Variants in DIP2C observed in about 807,000 individuals in gnomAD.
DIP2C encodes disco-interacting protein 2 homolog C.
Under a neutral mutation model 192.4 loss-of-function variants are expected in DIP2C, and 33 were observed. The observed-to-expected ratio is 0.17, with a 90% CI of 0.13 to 0.23. The LOEUF is 0.23. Among genes scored for constraint, DIP2C ranks in the 10% least tolerant of loss-of-function variants. The pLI is 1.00. For synonymous variants in DIP2C, 979 were observed against 864.1 expected (o/e 1.13, Z -2.33); for missense variants, 1,537 against 2,110.1 (o/e 0.73, Z 5.32).
chr10:612,481 T>TA (rs1853163792), intron 1 of DIP2C, among the ~76,000 whole-genome samples: 1 of 152,338 alleles, frequency 6.6e-6, no homozygotes, highest in South Asian at 2.1e-4. Flanking sequence ...AAGGAAATTT[T>TA]AAAACCTCAG....
intron 1 of DIP2C, among the ~76,000 whole-genome samples, chr10:511,145 GA>G: frequency 6.6e-6 from 1 of 152,196 alleles, no homozygotes; most frequent in East Asian, 1.9e-4. Context: ...CTGCCCCAGT[GA>G]ACATTCACGC....
chr10:657,028 G>A (rs1041604190), intron 1 of DIP2C, among the ~76,000 whole-genome samples: 5 of 152,156 alleles, frequency 3.3e-5, no homozygotes, highest in Non-Finnish European at 7.4e-5. Context: ...GGGCCATGTG[G>A]AAAGTTGGCT....
At chr10:369,397 C>A (rs976070634) in intron 18 of DIP2C, 97 bp downstream of exon 18, 10 of 1,434,764 alleles carry the variant, frequency 7.0e-6, no homozygotes, top group Non-Finnish European at 9.2e-6. Flanking sequence ...GGGCACACCA[C>A]GGGAACGCGG....
At chr10:564,464 G>A (rs1849362716) in intron 1 of DIP2C, among the ~76,000 whole-genome samples, 1 of 152,110 alleles carries the variant, frequency 6.6e-6, no homozygotes, top group East Asian at 1.9e-4. Context: ...TTTTCTCCAG[G>A]GACAGGGGCA....
chr10:415,921 G>C lies in DIP2C; in HGVS notation c.740-33C>G, dbSNP rs372738375. ...ACAGGAATCAGCGGGTGGGGAAAGCGATCATCACAGCTTCAATGAGCACCC... is the reference window on the plus strand; with the variant it reads ...ACAGGAATCAGCGGGTGGGGAAAGCCATCATCACAGCTTCAATGAGCACCC... On this transcript the variant is annotated intron_variant, in intron 6 of 36. Coordinates refer to ENST00000280886, the MANE Select transcript of DIP2C (RefSeq NM_014974.3). 2.5e-5 allele frequency: 41 copies of C among 1,612,876 alleles called. No homozygotes were observed. In the East Asian group the frequency reaches 8.5e-4, roughly 33 times the overall value.
chr10:456,356 G>C (rs1354223314), intron 3 of DIP2C, among the ~76,000 whole-genome samples: 9 of 135,564 alleles, frequency 6.6e-5, no homozygotes, highest in Non-Finnish European at 1.2e-4. Flanking sequence ...GGGAGGCCGT[G>C]AGGAGTAAAT....
intron 1 of DIP2C, among the ~76,000 whole-genome samples, chr10:598,830 T>TC: frequency 1.3e-5 from 2 of 152,366 alleles, no homozygotes; most frequent in Middle Eastern, 6.8e-3. Flanking sequence ...CATGGGTGTC[T>TC]CCGACATCTT....
chr10:324,369 C>G (rs1957170044), intron 31 of DIP2C, among the ~76,000 whole-genome samples: 1 of 152,226 alleles, frequency 6.6e-6, no homozygotes, highest in African/African-American at 2.4e-5. Flanking sequence ...ATCTGTGCCA[C>G]ATCACCTCTC....
intron 1 of DIP2C, among the ~76,000 whole-genome samples, chr10:609,648 T>A (rs1262259399): frequency 6.6e-6 from 1 of 152,228 alleles, no homozygotes; most frequent in Non-Finnish European, 1.5e-5. Flanking sequence ...TTAGAGTATT[T>A]AACAGGATAA....
chr10:336,957 G>A (rs535844228), intron 29 of DIP2C, among the ~76,000 whole-genome samples: 14 of 79,172 alleles, frequency 1.8e-4, no homozygotes, highest in African/African-American at 3.7e-4. Flanking sequence ...GCGTGTGTGT[G>A]TGTTGTGGAG....
chr10:518,258 CCTGA>C (rs757766718), intron 1 of DIP2C, among the ~76,000 whole-genome samples: 6 of 152,366 alleles, frequency 3.9e-5, no homozygotes, highest in South Asian at 2.1e-4. Context: ...GCCCCTGCTG[CCTGA>C]CTGACTCCTT....
rs116145856 is a variant in DIP2C at position 472,009 on chromosome 10, C to T, written c.268+430G>A. ...CAGTCTCCAGACAACCCTGTGCAGACGGCATCATAAAACACAGATGAAAGA... is the reference window on the plus strand; with the variant it reads ...CAGTCTCCAGACAACCCTGTGCAGATGGCATCATAAAACACAGATGAAAGA... On this transcript the variant is annotated intron_variant, in intron 3 of 36. Coordinates refer to ENST00000280886, the MANE Select transcript of DIP2C (RefSeq NM_014974.3). 4.9e-3 allele frequency among the ~76,000 whole-genome samples: 751 copies of T among 152,148 alleles called. 8 individuals carry two copies. Among genetic ancestry groups the T allele is most frequent in the African/African-American group, 0.017 (698 of 41,498 alleles).
In DIP2C at chr10:387,775, C is replaced by T. The variant is rs1193962934; in HGVS notation, c.1632G>A (p.Lys544=). The T allele has an allele frequency of 6.2e-7, 1 of 1,614,220 alleles. No individual in the cohort carries two copies. The highest frequency in any genetic ancestry group is 1.7e-5 in the Admixed American group (1 of 60,030). ...ETIVNVLDFK[K]DVGLWHGILT... is the part of the protein sequence containing the mutation. ...GGATGCCATGCCAGAGCCCGACGTCCTTCTTGAAATCCAGCACATTCACAA... is the reference window on the plus strand; with the variant it reads ...GGATGCCATGCCAGAGCCCGACGTCTTTCTTGAAATCCAGCACATTCACAA... The change falls in exon 14 of 37, where the codon AAG becomes AAA. Residue 544 remains lysine, a synonymous_variant. Coordinates refer to ENST00000280886, the MANE Select transcript of DIP2C (RefSeq NM_014974.3).
intron 1 of DIP2C, among the ~76,000 whole-genome samples, chr10:544,033 C>G (rs144968484): frequency 1.8e-4 from 27 of 152,364 alleles, no homozygotes; most frequent in African/African-American, 6.3e-4. Context: ...ACCTTTGGTG[C>G]CAGCATCTTT....
At chr10:455,499 G>A (rs367723473) in intron 3 of DIP2C, among the ~76,000 whole-genome samples, 1 of 94,334 alleles carries the variant, frequency 1.1e-5, no homozygotes. Flanking sequence ...AGGGGAGACC[G>A]TGAGGAGCAA....
chr10:439,283 C>T (rs763239486), intron 4 of DIP2C, among the ~76,000 whole-genome samples: 18 of 149,740 alleles, frequency 1.2e-4, no homozygotes, highest in African/African-American at 2.8e-4. Context: ...TTTGCTAGCA[C>T]GGCGTTCACT....
intron 1 of DIP2C, among the ~76,000 whole-genome samples, chr10:526,690 A>G (rs1019347026): frequency 6.6e-6 from 1 of 152,238 alleles, no homozygotes; most frequent in Admixed American, 6.5e-5. Context: ...GGACTCGTCC[A>G]CACTGGTGGC....
chr10:549,048 T>C (rs542470292), intron 1 of DIP2C, among the ~76,000 whole-genome samples: 232 of 152,126 alleles, frequency 1.5e-3, no homozygotes, highest in Non-Finnish European at 2.1e-3. Flanking sequence ...AGATTCTAGT[T>C]AGTCAGAATT....
chr10:495,554 C>A (rs888127843), intron 1 of DIP2C, among the ~76,000 whole-genome samples: 1 of 148,460 alleles, frequency 6.7e-6, no homozygotes. Context: ...TTTCTTCTAG[C>A]GACTCTCTCA....
Sources: gnomAD v4.1 joint callset for allele counts (sites outside exome capture counted in the v4.1 genomes callset) on GRCh38, gnomAD v4.1.1 for gene constraint, MANE v1.5 for transcripts, NCBI Gene and HGNC (gene_info 2026-07-23, HGNC 2026-07-21) for gene names.